SLC7A1: variants seen among roughly 807,000 people sequenced by gnomAD.
SLC7A1 encodes the protein high affinity cationic amino acid transporter 1.
Under a neutral mutation model 53.9 loss-of-function variants are expected in SLC7A1, and 10 were observed. That is an observed-to-expected ratio of 0.19 (90% CI 0.11 to 0.31). The LOEUF is 0.31. Among genes scored for constraint, SLC7A1 ranks in the 10% least tolerant of loss-of-function variants. SLC7A1 has a pLI of 1.00. For missense variants in SLC7A1, 525 were observed against 827.2 expected (o/e 0.63, Z 4.48); for synonymous variants, 342 against 338.7 (o/e 1.01, Z -0.11).
chr13:29,575,654 A>T (rs1307037957), intron 1 of SLC7A1, among the ~76,000 whole-genome samples: 1 of 152,236 alleles, frequency 6.6e-6, no homozygotes, highest in African/African-American at 2.4e-5. Context: ...CACAGTTAAC[A>T]GTGAGCCTAA....
chr13:29,572,784 A>T (rs1026874175), intron 1 of SLC7A1, among the ~76,000 whole-genome samples: 5 of 152,174 alleles, frequency 3.3e-5, no homozygotes. Flanking sequence ...GGGGAAGGTG[A>T]TCCTGGGAAA....
At chr13:29,566,384 G>A (rs1368512908) in intron 1 of SLC7A1, among the ~76,000 whole-genome samples, 5 of 152,148 alleles carry the variant, frequency 3.3e-5, no homozygotes, top group African/African-American at 4.8e-5. Flanking sequence ...AACGTCCATC[G>A]ACTGCTGAAT....
In SLC7A1 at chr13:29,517,964, C is replaced by A. The variant is rs116573876; in HGVS notation, c.1293-174G>T. Among the ~76,000 whole-genome samples the A allele has an allele frequency of 1.6e-3, 246 of 152,352 alleles. 1 individual carries two copies. Among genetic ancestry groups the A allele is most frequent in the African/African-American group, 5.7e-3 (236 of 41,586 alleles). ...AGACGAGGAGAGACCGGGAACACCA[C>A]CTCCCGCTGTTGCTTCTGGGGAACA... On this transcript the variant is annotated intron_variant, in intron 9 of 12. Transcript: ENST00000380752.
chr13:29,543,163 C>G (rs1411639315), intron 2 of SLC7A1, among the ~76,000 whole-genome samples: 1 of 152,080 alleles, frequency 6.6e-6, no homozygotes, highest in Non-Finnish European at 1.5e-5. Flanking sequence ...TCCTGGAGCA[C>G]TAGGGTCCCA....
At chr13:29,528,663 T>A (rs1869010523) in intron 5 of SLC7A1, among the ~76,000 whole-genome samples, 1 of 152,046 alleles carries the variant, frequency 6.6e-6, no homozygotes. Flanking sequence ...TTTAACAACA[T>A]AATAGAGCAT....
chr13:29,537,392 C>G (rs1047233141), intron 2 of SLC7A1, among the ~76,000 whole-genome samples: 1 of 152,200 alleles, frequency 6.6e-6, no homozygotes, highest in Admixed American at 6.5e-5. Flanking sequence ...CTGACTGGTT[C>G]TGTCAAGGTC....
At chr13:29,554,098 G>A (rs1340378839) in intron 1 of SLC7A1, among the ~76,000 whole-genome samples, 2 of 152,182 alleles carry the variant, frequency 1.3e-5, no homozygotes, top group African/African-American at 4.8e-5. Flanking sequence ...AGATTCCACC[G>A]CTTTACCTCT....
chr13:29,589,850 G>C (rs1872035341), intron 1 of SLC7A1, among the ~76,000 whole-genome samples: 1 of 152,152 alleles, frequency 6.6e-6, no homozygotes, highest in Non-Finnish European at 1.5e-5. Flanking sequence ...GTGCCCGTGG[G>C]CCACCTGCCT....
chr13:29,568,130 C>G (rs567666459), intron 1 of SLC7A1, among the ~76,000 whole-genome samples: 1 of 152,306 alleles, frequency 6.6e-6, no homozygotes, highest in African/African-American at 2.4e-5. Flanking sequence ...ATGTGAAATG[C>G]TCCCAACAGG....
intron 2 of SLC7A1, among the ~76,000 whole-genome samples, chr13:29,550,204 C>T (rs1421567745): frequency 6.6e-6 from 1 of 152,132 alleles, no homozygotes; most frequent in Non-Finnish European, 1.5e-5. Context: ...TTTAACCCAC[C>T]TCGCTCCTAA....
chr13:29,573,635 T>C (rs748153671), intron 1 of SLC7A1, among the ~76,000 whole-genome samples: 1 of 152,238 alleles, frequency 6.6e-6, no homozygotes, highest in Non-Finnish European at 1.5e-5. Flanking sequence ...ACTGCCCAGT[T>C]AAATCTAAAT....
chr13:29,545,408 C>G (rs1802359049), intron 2 of SLC7A1, among the ~76,000 whole-genome samples: 1 of 152,044 alleles, frequency 6.6e-6, no homozygotes, highest in Admixed American at 6.5e-5. Flanking sequence ...TCCATAGGCC[C>G]AAATTCATTG....
chr13:29,578,557 G>C (rs1871507375), intron 1 of SLC7A1, among the ~76,000 whole-genome samples: 1 of 152,196 alleles, frequency 6.6e-6, no homozygotes, highest in South Asian at 2.1e-4. Context: ...AGTCTGCCCA[G>C]AGCCCAGCCG....
At chr13:29,573,205 G>A (rs1193207974) in intron 1 of SLC7A1, among the ~76,000 whole-genome samples, 1 of 152,132 alleles carries the variant, frequency 6.6e-6, no homozygotes, top group Admixed American at 6.6e-5. Flanking sequence ...CTAAATGACA[G>A]TCAAAATATC....
At chr13:29,563,288 T>A (rs1870838473) in intron 1 of SLC7A1, among the ~76,000 whole-genome samples, 1 of 152,232 alleles carries the variant, frequency 6.6e-6, no homozygotes, top group South Asian at 2.1e-4. Context: ...GAATGATCCA[T>A]GATGTGCCAA....
chr13:29,552,174 G>A (rs1163781237), intron 2 of SLC7A1, among the ~76,000 whole-genome samples: 1 of 151,336 alleles, frequency 6.6e-6, no homozygotes, highest in Non-Finnish European at 1.5e-5. Flanking sequence ...TGCCTCAAAT[G>A]ACTGTTAAGA....
chr13:29,587,141 C>A (rs116399925), intron 1 of SLC7A1, among the ~76,000 whole-genome samples: 1 of 152,188 alleles, frequency 6.6e-6, no homozygotes, highest in African/African-American at 2.4e-5. Context: ...CATTTTCACA[C>A]ATAACATAGA....
intron 2 of SLC7A1, among the ~76,000 whole-genome samples, chr13:29,552,256 GACAC>G: frequency 8.1e-6 from 1 of 122,808 alleles, no homozygotes; most frequent in Admixed American, 8.4e-5. Context: ...CACACACACA[GACAC>G]ACACACACAC....
intron 1 of SLC7A1, among the ~76,000 whole-genome samples, chr13:29,578,807 A>C (rs1196047658): frequency 6.6e-6 from 1 of 152,256 alleles, no homozygotes; most frequent in Non-Finnish European, 1.5e-5. Context: ...GTCAAAAGCC[A>C]CAGACTTTAA....
Sources: gnomAD v4.1 joint callset for allele counts (sites outside exome capture counted in the v4.1 genomes callset) on GRCh38, gnomAD v4.1.1 for gene constraint, MANE v1.5 for transcripts, NCBI Gene and HGNC (gene_info 2026-07-23, HGNC 2026-07-21) for gene names.